TTC17: variants seen among roughly 807,000 people sequenced by gnomAD.
The protein encoded by TTC17 is tetratricopeptide repeat domain 17, also known as tetratricopeptide repeat protein 17.
In TTC17, 58 loss-of-function variants were observed where a neutral mutation model predicts 143.8. The ratio of observed to expected loss-of-function variants is 0.40; its 90% confidence interval spans 0.33 to 0.50. TTC17 has a LOEUF of 0.50. Ranked by LOEUF, TTC17 falls within the 20% of genes least tolerant of loss-of-function variation. The pLI is 0.49. For missense variants in TTC17, 1,273 were observed against 1,392.5 expected, an observed-to-expected ratio of 0.91 and a Z score of 1.37; for synonymous variants, 501 against 497.8, an observed-to-expected ratio of 1.01 and a Z score of -0.09.
intron 1 of TTC17, among the ~76,000 whole-genome samples, chr11:43,365,785 A>G (rs1246264906): frequency 1.3e-5 from 2 of 152,216 alleles, no homozygotes; most frequent in African/African-American, 2.4e-5. Flanking sequence ...ATTTTTATCA[A>G]ACTCCTTGGG....
At position 43,445,852 on chromosome 11, in the gene TTC17, G is replaced by A. The variant is rs760544916; in HGVS notation, c.2665+1643G>A. 4 of 737,846 alleles carry A rather than the reference G, an allele frequency of 5.4e-6. 1 individual carries two copies. The highest frequency in any genetic ancestry group is 3.0e-5 in the South Asian group (2 of 67,194). The allele number at this position is 737,846 out of a possible 1,614,324, so 45.7% of individuals were successfully genotyped here. On this transcript the variant is annotated intron_variant, in intron 18 of 23. Coordinates refer to ENST00000039989, the MANE Select transcript of TTC17 (RefSeq NM_018259.6). ...GTTTGTGAGCCCATGGGGGAAAAAT[G>A]GAGATCATTAAGAGCCATTGTAGAT...
At position 43,369,661 on chromosome 11, in the gene TTC17, G is replaced by T. The variant is rs1399683619; in HGVS notation, c.160-9572G>T. On this transcript the variant is annotated intron_variant, in intron 1 of 23. Transcript: ENST00000039989. ...AAACAGAGTCTTGCTCTGTCACCCAGGCTGGAGTACAGTGGTGCAATCTTA... is the reference window on the plus strand; with the variant it reads ...AAACAGAGTCTTGCTCTGTCACCCATGCTGGAGTACAGTGGTGCAATCTTA... 2.0e-5 allele frequency among the ~76,000 whole-genome samples: 3 copies of T among 150,432 alleles called. 1 individual carries two copies. Among genetic ancestry groups the T allele is most frequent in the African/African-American group, 7.3e-5 (3 of 40,836 alleles).
chr11:43,391,935 C>G lies in TTC17; in HGVS notation c.646C>G (p.His216Asp), dbSNP rs1232625137. The stretch of plus-strand genomic sequence containing the variant: ...TATAGATGACATAGGTCACCTCATT[C>G]ATGAAGGCCTACAGAAGGTAAGTCA... ...RSIDDIGHLIHEGLQKNTSSW... is the reference protein window; with the variant it reads ...RSIDDIGHLIDEGLQKNTSSW... Residue 216 changes from histidine to aspartate, a missense_variant, in exon 5 of 24, where the codon CAT becomes GAT. By Grantham distance (81) the His-to-Asp change is moderately conservative. This residue lies in a region of TTC17 where 325 missense variants were observed against 444.2 expected (regional missense o/e 0.73). Coordinates refer to ENST00000039989, the MANE Select transcript of TTC17 (RefSeq NM_018259.6). 6.2e-7 allele frequency: 1 copy of G among 1,609,996 alleles called. No individual in the cohort carries two copies. Among genetic ancestry groups the G allele is most frequent in the Admixed American group, 1.7e-5 (1 of 58,958 alleles).
In TTC17 at chr11:43,359,339, A is replaced by T. The variant is rs1855998046; in HGVS notation, c.159+226A>T. 3 of 516,516 alleles carry T rather than the reference A, an allele frequency of 5.8e-6. No homozygotes were observed. In the Admixed American group the frequency reaches 1.3e-4, roughly 23 times the overall value. 32.0% of individuals were successfully genotyped at this position (516,516 alleles called of 1,614,324 possible). On this transcript the variant is annotated intron_variant, in intron 1 of 23. Coordinates refer to ENST00000039989, the MANE Select transcript of TTC17 (RefSeq NM_018259.6). The stretch of plus-strand genomic sequence containing the variant: ...GCCCCCTAGAAGTTCTCACCCTTCC[A>T]CCTCGCGGGCCGCGCGCCGCGTGGG...
chr11:43,438,418 C>G (rs1046477922), intron 16 of TTC17, among the ~76,000 whole-genome samples: 14 of 152,132 alleles, frequency 9.2e-5, no homozygotes, highest in Non-Finnish European at 1.8e-4. Flanking sequence ...CTTGGCCTCC[C>G]AAATGCATGA....
intron 21 of TTC17, among the ~76,000 whole-genome samples, chr11:43,453,330 A>G (rs952874978): frequency 6.6e-6 from 1 of 152,182 alleles, no homozygotes; most frequent in Non-Finnish European, 1.5e-5. Flanking sequence ...GATCCAGAAC[A>G]GTCAACAGCA....
intron 21 of TTC17, among the ~76,000 whole-genome samples, chr11:43,477,551 G>A (rs573223108): frequency 2.0e-4 from 31 of 152,324 alleles, no homozygotes; most frequent in African/African-American, 7.5e-4. Flanking sequence ...AGAGAAAAAT[G>A]AGGAAGAAGC....
intron 10 of TTC17, among the ~76,000 whole-genome samples, chr11:43,401,991 A>G (rs11608160): frequency 9.2e-6 from 1 of 108,780 alleles, no homozygotes; most frequent in Non-Finnish European, 1.6e-5. Flanking sequence ...AAATAAATAA[A>G]TAAATAAATA....
At chr11:43,374,261 A>G (rs556954284) in intron 1 of TTC17, among the ~76,000 whole-genome samples, 3 of 152,336 alleles carry the variant, frequency 2.0e-5, no homozygotes, top group African/African-American at 2.4e-5. Context: ...TTTACCATAT[A>G]CAGAAATTAA....
At chr11:43,384,454 G>A (rs1857099187) in intron 2 of TTC17, among the ~76,000 whole-genome samples, 1 of 152,138 alleles carries the variant, frequency 6.6e-6, no homozygotes, top group South Asian at 2.1e-4. Flanking sequence ...CCGGGAGTTC[G>A]AGACCAACCT....
intron 21 of TTC17, among the ~76,000 whole-genome samples, chr11:43,451,715 CATT>C (rs760930263): frequency 2.6e-5 from 4 of 152,096 alleles, no homozygotes; most frequent in Admixed American, 6.5e-5. Context: ...CAGAAAATAT[CATT>C]GAGAGGTTCT....
intron 2 of TTC17, among the ~76,000 whole-genome samples, chr11:43,382,444 G>C (rs1857006706): frequency 6.6e-6 from 1 of 152,106 alleles, no homozygotes; most frequent in Non-Finnish European, 1.5e-5. Context: ...GTTGGAGTAT[G>C]TTCAGTAATT....
chr11:43,415,784 T>C (rs1012431325), intron 16 of TTC17, among the ~76,000 whole-genome samples: 2 of 152,156 alleles, frequency 1.3e-5, no homozygotes, highest in Non-Finnish European at 2.9e-5. Flanking sequence ...CAAAGCCCAA[T>C]TATTTACTGA....
At chr11:43,478,427 A>G (rs1188496818) in intron 21 of TTC17, among the ~76,000 whole-genome samples, 1 of 152,182 alleles carries the variant, frequency 6.6e-6, no homozygotes, top group Non-Finnish European at 1.5e-5. Context: ...TATGTTCTAA[A>G]CATGAGTTTT....
chr11:43,374,034 A>G (rs1224246257), intron 1 of TTC17, among the ~76,000 whole-genome samples: 1 of 152,200 alleles, frequency 6.6e-6, no homozygotes, highest in Non-Finnish European at 1.5e-5. Flanking sequence ...ATGGAGTTGG[A>G]GTATCTAATA....
rs1043980047 is a variant in TTC17 at position 43,494,634 on chromosome 11, A to G, written c.*730A>G. 1 of 152,206 alleles carries G rather than the reference A, an allele frequency of 6.6e-6. No homozygotes were observed. Among genetic ancestry groups the G allele is most frequent in the Non-Finnish European group, 1.5e-5 (1 of 68,038 alleles). The allele number at this position is 152,206 out of a possible 1,614,324, so 9.4% of individuals were successfully genotyped here. ...AAATCACAAGGAAACCAATAAGTTG[A>G]AATCCTATATAACAGGTTTATATAT... On this transcript the variant is annotated 3_prime_UTR_variant, in exon 24 of 24. Transcript: ENST00000039989.
At chr11:43,371,143 A>G (rs17508480) in intron 1 of TTC17, among the ~76,000 whole-genome samples, 26,019 of 152,104 alleles carry the variant, frequency 0.17, 2,932 homozygotes, top group Non-Finnish European at 0.24. Context: ...TGTGAATGGA[A>G]AAAACATCTC....
At chr11:43,468,847 C>A (rs1948033989) in intron 21 of TTC17, among the ~76,000 whole-genome samples, 1 of 152,058 alleles carries the variant, frequency 6.6e-6, no homozygotes, top group South Asian at 2.1e-4. Flanking sequence ...ATTGCTTGAG[C>A]CCAGGACTTT....
intron 18 of TTC17, chr11:43,446,479 C>G (rs1038757191): frequency 2.3e-5 from 8 of 348,026 alleles, no homozygotes; most frequent in African/African-American, 6.7e-5. Context: ...GGTTCTCAGC[C>G]CCTTATAACA....
Sources: gnomAD v4.1 joint callset for allele counts (sites outside exome capture counted in the v4.1 genomes callset) on GRCh38, gnomAD v4.1.1 for gene constraint, gnomAD v4.1.1 regional missense constraint, MANE v1.5 for transcripts, NCBI Gene and HGNC (gene_info 2026-07-23, HGNC 2026-07-21) for gene names.